Variants in MYL10 observed in about 807,000 individuals in gnomAD.
MYL10 encodes myosin regulatory light chain 10.
Under a neutral mutation model 21.9 loss-of-function variants are expected in MYL10, and 18 were observed. The observed-to-expected ratio is 0.82, with a 90% confidence interval of 0.57 to 1.22. MYL10 has a LOEUF of 1.22. Among genes scored for constraint, MYL10 ranks in the 50% most tolerant of loss-of-function variants. MYL10 has a pLI of 0.00. For synonymous variants in MYL10, 88 were observed against 82.8 expected, an observed-to-expected ratio of 1.06 and a Z score of -0.34; for missense variants, 225 against 230.4, an observed-to-expected ratio of 0.98 and a Z score of 0.15.
chr7:101,619,095 C>G (rs1346400416), intron 5 of MYL10, among the ~76,000 whole-genome samples: 1 of 152,192 alleles, frequency 6.6e-6, no homozygotes, highest in East Asian at 1.9e-4. Context: ...GGCAGAACCA[C>G]AGGCCACTTC....
rs375897962 is a variant in MYL10, at chr7:101,624,727, A to G, written c.79-463T>C. On this transcript the variant is annotated intron_variant, in intron 1 of 7. Transcript: ENST00000223167. Reference sequence around the variant, plus strand: ...CCTCTTGCCCTGTCCCAGAGCTGCTACTCCCTCTCACCCAGGCCCTCTACT... The same window carrying G: ...CCTCTTGCCCTGTCCCAGAGCTGCTGCTCCCTCTCACCCAGGCCCTCTACT... Among the ~76,000 whole-genome samples, 7 of 150,896 alleles carry G rather than the reference A, an allele frequency of 4.6e-5. No homozygotes were observed. The East Asian group carries it at 1.4e-3, about 30-fold the overall frequency.
Position 101,613,419 on chromosome 7 carries a change from G to C in MYL10, c.*56C>G. On this transcript the variant is annotated 3_prime_UTR_variant, in exon 8 of 8. Transcript: ENST00000223167. The stretch of plus-strand genomic sequence containing the variant: ...CAGCCTCTGGCTGCAAGAGCTCCCT[G>C]TCACACCCCACAACAGTGTTTGCTG... 1 of 1,482,692 alleles carries C rather than the reference G, an allele frequency of 6.7e-7. No individual in the cohort carries two copies. The highest frequency in any genetic ancestry group is 1.1e-5 in the South Asian group (1 of 88,364). 91.8% of individuals were successfully genotyped at this position (1,482,692 alleles called of 1,614,324 possible).
chr7:101,626,552 A>G (rs181430294), intron 1 of MYL10, among the ~76,000 whole-genome samples: 64 of 152,310 alleles, frequency 4.2e-4, no homozygotes, highest in Non-Finnish European at 7.9e-4. Context: ...GATACCCCGC[A>G]GGGAGTCCCC....
Position 101,623,954 on chromosome 7 carries a change from G to A in MYL10, c.239C>T (p.Thr80Met), listed in dbSNP as rs1248037759. The change falls in exon 3 of 8, where the codon ACG becomes ATG. Residue 80 changes from threonine (T) to methionine (M), a missense_variant. By Grantham distance (81) the Thr-to-Met change is moderately conservative. Transcript: ENST00000223167. ...TGAGGCAGGAGAATTGCTTGAACCC[G>A]TGAGGCAGAGGTTGCAGTGAGCCGA... The part of the protein sequence containing the change: ...MISAHCNLCL[T>M]GSSNSPASAS... The A allele has an allele frequency of 2.5e-5, 11 of 442,562 alleles. No individual in the cohort carries two copies. The highest frequency in any genetic ancestry group is 1.1e-4 in the Admixed American group (3 of 27,356). 27.4% of individuals were successfully genotyped at this position (442,562 alleles called of 1,614,324 possible).
intron 5 of MYL10, among the ~76,000 whole-genome samples, chr7:101,620,445 G>A (rs550328362): frequency 1.3e-5 from 2 of 152,308 alleles, no homozygotes; most frequent in Non-Finnish European, 2.9e-5. Context: ...GAGAGACAAC[G>A]GATTCTCCCC....
chr7:101,622,333 TG>T, intron 4 of MYL10, 133 bp from the exon 5 acceptor site: 2 of 604,366 alleles, frequency 3.3e-6, no homozygotes, highest in Non-Finnish European at 5.6e-6. Flanking sequence ...GACGCCTTTT[TG>T]GGGGACTCTT....
intron 5 of MYL10, among the ~76,000 whole-genome samples, chr7:101,617,368 C>T (rs1198090927): frequency 2.0e-5 from 3 of 152,226 alleles, no homozygotes; most frequent in Admixed American, 6.5e-5. Flanking sequence ...GCTCTGAGAG[C>T]ACCCATGGAG....
chr7:101,616,177 G>T (rs1385167854), intron 6 of MYL10, 43 bp downstream of exon 6: 11 of 1,572,024 alleles, frequency 7.0e-6, no homozygotes, highest in Non-Finnish European at 9.6e-6. Flanking sequence ...CCCAAAGCTG[G>T]CTTATTCCCC....
intron 6 of MYL10, 27 bp from the exon 7 acceptor site, chr7:101,613,737 T>A (rs564106357): frequency 2.5e-6 from 4 of 1,613,166 alleles, no homozygotes. Context: ...CACAGTCATG[T>A]TCAGGGAACG....
At chr7:101,622,724 C>T (rs796228953) in intron 4 of MYL10, among the ~76,000 whole-genome samples, 34 of 152,268 alleles carry the variant, frequency 2.2e-4, no homozygotes, top group African/African-American at 7.7e-4. Context: ...GGCCCCTCCC[C>T]ACACCCAGGG....
At chr7:101,616,663 G>T (rs777679282) in intron 5 of MYL10, among the ~76,000 whole-genome samples, 2 of 152,218 alleles carry the variant, frequency 1.3e-5, no homozygotes, top group Non-Finnish European at 1.5e-5. Flanking sequence ...CTTGCCCAGG[G>T]TCTCACAGCT....
At chr7:101,616,173 G>A (rs781556333) in intron 6 of MYL10, 47 bp downstream of exon 6, 26 of 1,559,626 alleles carry the variant, frequency 1.7e-5, no homozygotes, top group Admixed American at 8.4e-5. Context: ...CCAGCCCAAA[G>A]CTGGCTTATT....
chr7:101,616,366 G>A (rs1796609901), intron 5 of MYL10, 68 bp from the exon 6 acceptor site: 1 of 1,316,764 alleles, frequency 7.6e-7, no homozygotes. Context: ...CAGGCACAAG[G>A]CTGGGCAGGG....
At chr7:101,619,053 C>A (rs923262090) in intron 5 of MYL10, among the ~76,000 whole-genome samples, 1 of 152,188 alleles carries the variant, frequency 6.6e-6, no homozygotes, top group African/African-American at 2.4e-5. Flanking sequence ...CACAGCCTCA[C>A]CTCCTGGGCC....
At chr7:101,615,211 T>G (rs1368658062) in intron 6 of MYL10, among the ~76,000 whole-genome samples, 1 of 152,176 alleles carries the variant, frequency 6.6e-6, no homozygotes, top group Non-Finnish European at 1.5e-5. Context: ...GAGGCGGTGC[T>G]GGCTACGATC....
At chr7:101,624,560 C>G (rs759011816) in intron 1 of MYL10, among the ~76,000 whole-genome samples, 1 of 152,182 alleles carries the variant, frequency 6.6e-6, no homozygotes, top group African/African-American at 2.4e-5. Flanking sequence ...AGAACAGAGG[C>G]GGGCATCTCT....
chr7:101,614,769 G>A (rs151152855), intron 6 of MYL10, among the ~76,000 whole-genome samples: 3 of 152,218 alleles, frequency 2.0e-5, no homozygotes, highest in East Asian at 1.9e-4. Context: ...TGTGTGAGAC[G>A]GGACAGACCC....
rs1369688221 is a variant in MYL10 at position 101,613,445 on chromosome 7, C to A, written c.*30G>T. On this transcript the variant is annotated 3_prime_UTR_variant, in exon 8 of 8. Transcript: ENST00000223167. ...TCACACCCCACAACAGTGTTTGCTG[C>A]CCCTGAATGTCGGGGAGACTTGTGA... is the stretch of plus-strand genomic sequence containing the variant. The A allele has an allele frequency of 1.3e-6, 2 of 1,582,988 alleles. No individual in the cohort carries two copies. Among genetic ancestry groups the A allele is most frequent in the Admixed American group, 1.7e-5 (1 of 59,996 alleles).
At chr7:101,622,236 G>C (rs1460650462) in intron 4 of MYL10, 36 bp from the exon 5 acceptor site, 1 of 1,519,266 alleles carries the variant, frequency 6.6e-7, no homozygotes, top group Non-Finnish European at 9.1e-7. Context: ...GGGAGGATAA[G>C]AGAGATCAGA....
Sources: gnomAD v4.1 joint callset for allele counts (sites outside exome capture counted in the v4.1 genomes callset) on GRCh38, gnomAD v4.1.1 for gene constraint, MANE v1.5 for transcripts, NCBI Gene and HGNC (gene_info 2026-07-23, HGNC 2026-07-21) for gene names.